The following GPC5 variants were observed in gnomAD, a reference collection of about 807,000 sequenced individuals.
GPC5 encodes the protein glypican 5.
Under a neutral mutation model 53.9 loss-of-function variants are expected in GPC5, and 47 were observed. That is an observed-to-expected ratio of 0.87 (90% CI 0.69 to 1.11). The LOEUF (loss-of-function observed/expected upper bound fraction) is 1.11. GPC5 is among the 50% of genes most tolerant of loss of function. The pLI is 0.00. For synonymous variants in GPC5, 286 were observed against 263.3 expected (o/e 1.09, Z -0.84); for missense variants, 748 against 713.1 (o/e 1.05, Z -0.56).
intron 2 of GPC5, among the ~76,000 whole-genome samples, chr13:91,602,484 A>G (rs1363791890): frequency 6.6e-6 from 1 of 152,234 alleles, no homozygotes; most frequent in African/African-American, 2.4e-5. Flanking sequence ...ATATTTATTT[A>G]TATTGTAATA....
In GPC5 at chr13:91,694,917, A is replaced by T. The variant is rs115198189; in HGVS notation, c.1020+1036A>T. Among the ~76,000 whole-genome samples, 556 of 152,244 alleles carry T rather than the reference A, an allele frequency of 3.7e-3. 8 individuals are homozygous for T. Among genetic ancestry groups the T allele is most frequent in the African/African-American group, 0.013 (529 of 41,552 alleles). ...AGCCACCGCGCCCAGCGATTTCATT[A>T]CTTTTAAACAGACTTTGATTCAATT... On this transcript the variant is annotated intron_variant, in intron 3 of 7. Coordinates refer to ENST00000377067, the MANE Select transcript of GPC5 (RefSeq NM_004466.6).
chr13:92,174,836 TC>T (rs1189842333), intron 7 of GPC5, among the ~76,000 whole-genome samples: 3 of 152,162 alleles, frequency 2.0e-5, no homozygotes, highest in Non-Finnish European at 4.4e-5. Flanking sequence ...CTGTGAGACT[TC>T]GAAAAGTCCT....
At chr13:92,089,245 T>C (rs1268842725) in intron 6 of GPC5, among the ~76,000 whole-genome samples, 1 of 152,110 alleles carries the variant, frequency 6.6e-6, no homozygotes, top group African/African-American at 2.4e-5. Flanking sequence ...CTATCCTGGC[T>C]AACACGGTGA....
Position 92,051,077 on chromosome 13 carries a change from T to C in GPC5, c.1402-93753T>C, listed in dbSNP as rs371536021. Among the ~76,000 whole-genome samples, 3 of 152,296 alleles carry C rather than the reference T, an allele frequency of 2.0e-5. No individual in the cohort carries two copies. In the South Asian group the frequency reaches 6.2e-4, roughly 32 times the overall value. ...CTTTAAAAGCATCATAATTAATAAT[T>C]GCCTATGTAGTGCCTCCCAAACTTT... On this transcript the variant is annotated intron_variant, in intron 6 of 7. Transcript: ENST00000377067.
chr13:92,293,525 T>G (rs9516052), intron 7 of GPC5, among the ~76,000 whole-genome samples: 64,151 of 150,204 alleles, frequency 0.43, 14,903 homozygotes, highest in African/African-American at 0.62. Flanking sequence ...AAAAGATACT[T>G]GTTTGTGTGC....
chr13:92,244,746 T>G (rs921576074), intron 7 of GPC5, among the ~76,000 whole-genome samples: 1 of 152,040 alleles, frequency 6.6e-6, no homozygotes, highest in African/African-American at 2.4e-5. Context: ...AGAGTTAAAA[T>G]TGCATATTGT....
intron 7 of GPC5, among the ~76,000 whole-genome samples, chr13:92,162,744 G>A (rs2041998918): frequency 6.6e-6 from 1 of 152,086 alleles, no homozygotes; most frequent in Non-Finnish European, 1.5e-5. Flanking sequence ...GAATGTATGT[G>A]GTCATAAAAG....
intron 7 of GPC5, among the ~76,000 whole-genome samples, chr13:92,356,146 T>G (rs2043520105): frequency 6.6e-6 from 1 of 152,182 alleles, no homozygotes; most frequent in South Asian, 2.1e-4. Flanking sequence ...CCTAATGTAT[T>G]AACAATTTAA....
intron 6 of GPC5, among the ~76,000 whole-genome samples, chr13:92,055,192 G>T (rs2041064643): frequency 6.6e-6 from 1 of 152,114 alleles, no homozygotes; most frequent in African/African-American, 2.4e-5. Flanking sequence ...ATTCCAAACT[G>T]GTGTCTTGTT....
At chr13:91,730,115 G>A (rs191021113) in intron 4 of GPC5, among the ~76,000 whole-genome samples, 34 of 152,294 alleles carry the variant, frequency 2.2e-4, no homozygotes, top group Non-Finnish European at 1.5e-4. Context: ...GCCACACGGA[G>A]TGAACAACCA....
At chr13:91,921,313 C>T (rs184708687) in intron 6 of GPC5, among the ~76,000 whole-genome samples, 1 of 151,824 alleles carries the variant, frequency 6.6e-6, no homozygotes, top group Admixed American at 6.6e-5. Context: ...GATATGGGGT[C>T]CAGGAAACAT....
intron 6 of GPC5, chr13:91,995,928 A>G (rs2040499557): frequency 6.6e-6 from 1 of 152,182 alleles, no homozygotes; most frequent in African/African-American, 2.4e-5. Flanking sequence ...TCCATGTGAG[A>G]CTGATGGGCT....
At chr13:92,850,991 G>C (rs1325359704) in intron 7 of GPC5, among the ~76,000 whole-genome samples, 1 of 152,186 alleles carries the variant, frequency 6.6e-6, no homozygotes, top group African/African-American at 2.4e-5. Context: ...AGGAAGCATG[G>C]AGGCATCTAG....
At chr13:92,672,518 C>A (rs528644086) in intron 7 of GPC5, among the ~76,000 whole-genome samples, 79 of 152,222 alleles carry the variant, frequency 5.2e-4, no homozygotes, top group African/African-American at 1.4e-3. Flanking sequence ...TTTGACCCAG[C>A]AATCCCATAC....
In GPC5 at chr13:92,677,883, G is replaced by A. The variant is rs115519358; in HGVS notation, c.1562-188399G>A. 8.6e-3 allele frequency among the ~76,000 whole-genome samples: 1,308 copies of A among 152,242 alleles called. 19 individuals carry two copies. The highest frequency in any genetic ancestry group is 0.03 in the African/African-American group (1,235 of 41,534). On this transcript the variant is annotated intron_variant, in intron 7 of 7. Coordinates refer to ENST00000377067, the MANE Select transcript of GPC5 (RefSeq NM_004466.6). ...CTAATCTTCACTAATCTTCAGCTCGGTGGGTCCCATAGGGTTGTCATATTT... is the reference window on the plus strand; with the variant it reads ...CTAATCTTCACTAATCTTCAGCTCGATGGGTCCCATAGGGTTGTCATATTT...
intron 5 of GPC5, among the ~76,000 whole-genome samples, chr13:91,783,633 G>T (rs1244811987): frequency 6.6e-6 from 1 of 152,044 alleles, no homozygotes; most frequent in East Asian, 1.9e-4. Context: ...GTAGAGATGG[G>T]GTTTCACCAT....
At position 92,137,327 on chromosome 13, in the gene GPC5, C is replaced by A. The variant is rs116797593; in HGVS notation, c.1402-7503C>A. ...ACAGGTGTAGTGATTGACTTTGTACCCACCATGACAGGGAATAAGTTCAAA... is the reference window on the plus strand; with the variant it reads ...ACAGGTGTAGTGATTGACTTTGTACACACCATGACAGGGAATAAGTTCAAA... On this transcript the variant is annotated intron_variant, in intron 6 of 7. Coordinates refer to ENST00000377067, the MANE Select transcript of GPC5 (RefSeq NM_004466.6). Among the ~76,000 whole-genome samples the A allele has an allele frequency of 2.3e-3, 345 of 152,112 alleles. 3 individuals carry two copies. The highest frequency in any genetic ancestry group is 8.0e-3 in the African/African-American group (332 of 41,504).
chr13:91,891,809 C>T (rs2039389448), intron 5 of GPC5, among the ~76,000 whole-genome samples: 1 of 152,192 alleles, frequency 6.6e-6, no homozygotes, highest in Middle Eastern at 3.4e-3. Context: ...TTCTTCATTA[C>T]AGTTTAGTGT....
chr13:91,890,901 A>G (rs1027819886), intron 5 of GPC5, among the ~76,000 whole-genome samples: 3 of 152,188 alleles, frequency 2.0e-5, no homozygotes, highest in African/African-American at 4.8e-5. Context: ...AGCTATCTAC[A>G]GTGTGTACAC....
Sources: allele counts gnomAD v4.1 joint callset (sites outside exome capture counted in the v4.1 genomes callset), GRCh38; gene constraint gnomAD v4.1.1; transcripts MANE v1.5; gene names NCBI Gene and HGNC (gene_info 2026-07-23, HGNC 2026-07-21).